The following NELL1 variants were observed in gnomAD, a reference collection of about 807,000 sequenced individuals.
The protein encoded by NELL1 is protein kinase C-binding protein NELL1.
A neutral mutation model predicts 107.4 loss-of-function variants in NELL1; 76 were observed. The ratio of observed to expected loss-of-function variants is 0.71; its 90% CI spans 0.59 to 0.86. NELL1 has a LOEUF of 0.86. Ranked by LOEUF, NELL1 falls within the 40% of genes least tolerant of loss-of-function variation. The pLI is 0.00. For missense variants in NELL1, 1,024 were observed against 1,005.5 expected (o/e 1.02, Z -0.25); for synonymous variants, 353 against 341.2 (o/e 1.03, Z -0.38).
chr11:20,715,481 A>G (rs1196043179), intron 2 of NELL1, among the ~76,000 whole-genome samples: 9 of 152,168 alleles, frequency 5.9e-5, no homozygotes, highest in Non-Finnish European at 1.3e-4. Flanking sequence ...CAGACATAGG[A>G]TTTGAACTCA....
chr11:21,166,510 A>G (rs1038119097), intron 13 of NELL1, among the ~76,000 whole-genome samples: 10 of 151,854 alleles, frequency 6.6e-5, no homozygotes, highest in Non-Finnish European at 1.2e-4. Flanking sequence ...TGGATACCCT[A>G]TTTACCCTGA....
At chr11:20,920,316 G>A (rs904977303) in intron 7 of NELL1, among the ~76,000 whole-genome samples, 2 of 152,054 alleles carry the variant, frequency 1.3e-5, no homozygotes, top group African/African-American at 4.8e-5. Flanking sequence ...CATGGCATGT[G>A]CAAAAAAATT....
chr11:21,355,526 C>G (rs1044824486), intron 14 of NELL1, among the ~76,000 whole-genome samples: 2 of 152,096 alleles, frequency 1.3e-5, no homozygotes, highest in African/African-American at 4.8e-5. Context: ...AATCAGTCAG[C>G]AAATAAGAAG....
intron 12 of NELL1, among the ~76,000 whole-genome samples, chr11:21,109,056 C>T (rs1212078944): frequency 2.6e-5 from 4 of 152,022 alleles, no homozygotes; most frequent in Non-Finnish European, 5.9e-5. Context: ...ACCCAGGTTT[C>T]TATGCTTACT....
At chr11:21,461,567 T>A (rs1452118839) in intron 15 of NELL1, among the ~76,000 whole-genome samples, 1 of 152,132 alleles carries the variant, frequency 6.6e-6, no homozygotes, top group African/African-American at 2.4e-5. Context: ...AGCTGATTTT[T>A]ATTAAGTGCT....
chr11:21,402,992 T>C (rs781699648), intron 15 of NELL1, among the ~76,000 whole-genome samples: 94 of 151,750 alleles, frequency 6.2e-4, no homozygotes, highest in Non-Finnish European at 1.1e-3. Flanking sequence ...GCTGTGACTC[T>C]TGTCAATAAC....
At position 20,738,594 on chromosome 11, in the gene NELL1, G is replaced by A. The variant is rs556441390; in HGVS notation, c.185-45086G>A. 2.0e-5 allele frequency among the ~76,000 whole-genome samples: 3 copies of A among 152,244 alleles called. No homozygotes were observed. In the East Asian group the frequency reaches 5.8e-4, roughly 29 times the overall value. On this transcript the variant is annotated intron_variant, in intron 2 of 19. Transcript: ENST00000357134. ...TTTCTTTTCTTCATTCTTTTCTGAT[G>A]GAATTGAATAATAGCCCAGGTTCTG...
intron 12 of NELL1, among the ~76,000 whole-genome samples, chr11:21,056,293 A>T (rs1453658475): frequency 6.6e-6 from 1 of 152,182 alleles, no homozygotes; most frequent in Non-Finnish European, 1.5e-5. Context: ...CCATGGCATT[A>T]TGATATTGGC....
At chr11:21,528,650 C>A (rs900078637) in intron 15 of NELL1, among the ~76,000 whole-genome samples, 19 of 138,884 alleles carry the variant, frequency 1.4e-4, no homozygotes, top group South Asian at 1.1e-3. Context: ...ATTACTCAAT[C>A]TCAGGTATTC....
chr11:21,553,640 C>G lies in NELL1; in HGVS notation c.1787-6549C>G, dbSNP rs552945706. ...CTGGGGCCATCCAAAAGCAAGGGTT[C>G]TTTTTCAACCACAGCTCCACCAAAT... On this transcript the variant is annotated intron_variant, in intron 16 of 19. Transcript: ENST00000357134. 3.3e-5 allele frequency among the ~76,000 whole-genome samples: 5 copies of G among 151,812 alleles called. 1 individual carries two copies. The highest frequency in any genetic ancestry group is 6.8e-3 in the Middle Eastern group (2 of 294).
intron 15 of NELL1, among the ~76,000 whole-genome samples, chr11:21,514,975 A>G (rs1261154722): frequency 6.6e-6 from 1 of 152,122 alleles, no homozygotes; most frequent in African/African-American, 2.4e-5. Context: ...TCCTTCTTAG[A>G]GGGGTTTCTT....
intron 16 of NELL1, among the ~76,000 whole-genome samples, chr11:21,544,848 G>T (rs939764526): frequency 6.6e-6 from 1 of 151,456 alleles, no homozygotes; most frequent in South Asian, 2.1e-4. Context: ...AACCTTATTT[G>T]CTCAGTATCA....
At chr11:20,987,930 T>G (rs986508791) in intron 12 of NELL1, among the ~76,000 whole-genome samples, 8 of 152,192 alleles carry the variant, frequency 5.3e-5, no homozygotes, top group Non-Finnish European at 1.2e-4. Flanking sequence ...TGTTGGTTCT[T>G]AAAACCGTGA....
intron 1 of NELL1, chr11:20,674,618 G>T: frequency 1.8e-6 from 2 of 1,126,580 alleles, no homozygotes; most frequent in South Asian, 2.6e-5. Flanking sequence ...ACTGAGGCTT[G>T]ATAAATGAAT....
intron 12 of NELL1, among the ~76,000 whole-genome samples, chr11:21,090,427 A>G (rs975619302): frequency 2.0e-5 from 3 of 152,136 alleles, no homozygotes; most frequent in Non-Finnish European, 4.4e-5. Flanking sequence ...TAACAGAGCT[A>G]TTTTGGCTCT....
chr11:21,437,338 T>C (rs1853148079), intron 15 of NELL1, among the ~76,000 whole-genome samples: 1 of 152,222 alleles, frequency 6.6e-6, no homozygotes, highest in Admixed American at 6.5e-5. Flanking sequence ...ATTCTCTTGC[T>C]GAATTGATCA....
intron 3 of NELL1, among the ~76,000 whole-genome samples, chr11:20,795,797 A>G (rs180904631): frequency 5.7e-4 from 86 of 152,186 alleles, no homozygotes; most frequent in African/African-American, 1.9e-3. Context: ...TTTTTAAACA[A>G]AATTTTTGTT....
intron 15 of NELL1, among the ~76,000 whole-genome samples, chr11:21,447,585 C>G (rs1853465725): frequency 2.0e-5 from 3 of 152,170 alleles, no homozygotes; most frequent in Admixed American, 2.0e-4. Flanking sequence ...ATCCAAATTG[C>G]AAGACAAAGT....
At chr11:21,440,087 G>A (rs1371135855) in intron 15 of NELL1, among the ~76,000 whole-genome samples, 1 of 152,080 alleles carries the variant, frequency 6.6e-6, no homozygotes, top group Non-Finnish European at 1.5e-5. Flanking sequence ...TTTGGCCAAG[G>A]TTAATACAAA....
Sources: allele counts gnomAD v4.1 joint callset (sites outside exome capture counted in the v4.1 genomes callset), GRCh38; gene constraint gnomAD v4.1.1; transcripts MANE v1.5; gene names NCBI Gene and HGNC (gene_info 2026-07-23, HGNC 2026-07-21).